MBD3L1: variants seen among roughly 807,000 people sequenced by gnomAD.
MBD3L1 encodes methyl-CpG-binding domain protein 3-like 1.
For missense variants in MBD3L1, 203 were observed against 230.1 expected, an observed-to-expected ratio of 0.88 and a Z score of 0.76; for synonymous variants, 84 against 85.1, an observed-to-expected ratio of 0.99 and a Z score of 0.07.
At chr19:8,836,397 C>T (rs1190500164) in intron 1 of MBD3L1, among the ~76,000 whole-genome samples, 1 of 151,714 alleles carries the variant, frequency 6.6e-6, no homozygotes, top group Non-Finnish European at 1.5e-5. Flanking sequence ...CTTCCTCCTC[C>T]TCCTTGTCCT....
intron 1 of MBD3L1, among the ~76,000 whole-genome samples, chr19:8,840,242 A>C (rs2044498871): frequency 6.6e-6 from 1 of 152,124 alleles, no homozygotes; most frequent in South Asian, 2.1e-4. Context: ...TATTGGAAGC[A>C]TAAAATTAAC....
intron 1 of MBD3L1, among the ~76,000 whole-genome samples, chr19:8,836,411 CCTT>C (rs1474985934): frequency 2.0e-5 from 3 of 151,188 alleles, no homozygotes; most frequent in East Asian, 3.9e-4. Context: ...TTGTCCTCCT[CCTT>C]CTTCTTTCTT....
intron 1 of MBD3L1, among the ~76,000 whole-genome samples, chr19:8,835,042 C>A (rs1384058044): frequency 6.6e-6 from 1 of 151,150 alleles, no homozygotes; most frequent in East Asian, 1.9e-4. Context: ...TAAAAGTGAA[C>A]AAAGAGTTTT....
At chr19:8,839,185 C>CTT (rs57499698) in intron 1 of MBD3L1, among the ~76,000 whole-genome samples, 3,407 of 122,070 alleles carry the variant, frequency 0.028, 258 homozygotes, top group African/African-American at 0.087. Flanking sequence ...CTTTTCTTTT[C>CTT]TTTTTTTTTT....
In MBD3L1 at chr19:8,832,448, C is replaced by T. The variant is rs892345959; in HGVS notation, c.-181C>T. On this transcript the variant is annotated 5_prime_UTR_variant, in exon 1 of 3. Transcript: ENST00000595891. ...GCGGGCGGGAGCGGCGGCCGCGAAC[C>T]CCAGCCTTGGGCAGAGGTGTTCTAG... 1 of 152,844 alleles carries T rather than the reference C, an allele frequency of 6.5e-6. No individual in the cohort carries two copies. Among genetic ancestry groups the T allele is most frequent in the African/African-American group, 2.4e-5 (1 of 41,466 alleles). 9.5% of individuals were successfully genotyped at this position (152,844 alleles called of 1,614,324 possible).
rs1395624644 is a variant in MBD3L1, at chr19:8,832,505, C to G, written c.-124C>G. ...TAGTGGGCACAAAGTTGGGCCCTGG[C>G]CTGGGGCAGTAGCGGGGGTAAGGTT... On this transcript the variant is annotated 5_prime_UTR_variant, in exon 1 of 3. Transcript: ENST00000595891. 1 of 152,774 alleles carries G rather than the reference C, an allele frequency of 6.5e-6. No individual in the cohort carries two copies. Among genetic ancestry groups the G allele is most frequent in the Non-Finnish European group, 1.5e-5 (1 of 68,422 alleles). The allele number at this position is 152,774 out of a possible 1,614,324, so 9.5% of individuals were successfully genotyped here.
chr19:8,842,973 A>G lies in MBD3L1; in HGVS notation c.295A>G (p.Ser99Gly), dbSNP rs752535955. The G allele has an allele frequency of 1.2e-6, 2 of 1,614,224 alleles. No individual in the cohort carries two copies. The highest frequency in any genetic ancestry group is 1.7e-5 in the Admixed American group (1 of 60,024). Residue 99 changes from serine to glycine, a missense_variant, in exon 3 of 3, where the codon AGT (serine) becomes GGT (glycine). Coordinates refer to ENST00000595891, the MANE Select transcript of MBD3L1 (RefSeq NM_001393532.1). ...LANTLQKLVP[S>G]YTGGSLLEDL... The stretch of plus-strand genomic sequence containing the variant: ...CAATACCTTGCAAAAACTTGTCCCT[A>G]GTTACACAGGTGGATCTCTGCTGGA...
At chr19:8,842,354 A>G (rs2044522266) in intron 2 of MBD3L1, among the ~76,000 whole-genome samples, 2 of 151,304 alleles carry the variant, frequency 1.3e-5, no homozygotes, top group Non-Finnish European at 2.9e-5. Context: ...TGAGATTTAG[A>G]AAAAGACTGT....
At chr19:8,837,802 T>A (rs1172938858) in intron 1 of MBD3L1, among the ~76,000 whole-genome samples, 1 of 152,102 alleles carries the variant, frequency 6.6e-6, no homozygotes, top group Non-Finnish European at 1.5e-5. Context: ...ACGCATAAAA[T>A]AATTGCTACT....
intron 1 of MBD3L1, among the ~76,000 whole-genome samples, chr19:8,840,008 C>T (rs2044495222): frequency 6.6e-6 from 1 of 151,784 alleles, no homozygotes. Context: ...ATGGCGAAAC[C>T]CCATCGCTAC....
At chr19:8,833,788 A>G (rs2044418434) in intron 1 of MBD3L1, among the ~76,000 whole-genome samples, 1 of 152,198 alleles carries the variant, frequency 6.6e-6, no homozygotes, top group Non-Finnish European at 1.5e-5. Context: ...CAGGAGTTCG[A>G]GACCAGCCTG....
rs1423541317 is a variant in MBD3L1, at chr19:8,832,380, G to A, written c.-249G>A. ...TCCGGCTCGCGCGGGCAGCCTCGCA[G>A]AGTCGAGCGTGTTGGGGGTTCGGCG... On this transcript the variant is annotated 5_prime_UTR_variant, in exon 1 of 3. Transcript: ENST00000595891. 4.6e-5 allele frequency: 7 copies of A among 152,644 alleles called. No homozygotes were observed. Among genetic ancestry groups the A allele is most frequent in the Non-Finnish European group, 1.5e-5 (1 of 68,354 alleles). The allele number at this position is 152,644 out of a possible 1,614,324, so 9.5% of individuals were successfully genotyped here.
rs180842947 is a variant in MBD3L1 at position 8,835,887 on chromosome 19, C to T, written c.-107+3365C>T. On this transcript the variant is annotated intron_variant, in intron 1 of 2. Transcript: ENST00000595891. ...CCATGGATGAACCTTGAAAACATTA[C>T]GGTAAGTAAAAGAAGCCACTCATAA... 2.2e-3 allele frequency among the ~76,000 whole-genome samples: 338 copies of T among 152,050 alleles called. 1 individual carries two copies. The highest frequency in any genetic ancestry group is 8.1e-3 in the South Asian group (39 of 4,816).
intron 2 of MBD3L1, among the ~76,000 whole-genome samples, chr19:8,841,582 A>G (rs1163216936): frequency 6.6e-6 from 1 of 151,958 alleles, no homozygotes; most frequent in Non-Finnish European, 1.5e-5. Flanking sequence ...GTTTTGAGAC[A>G]GTCTCGCTCT....
At chr19:8,834,500 C>T (rs1004142094) in intron 1 of MBD3L1, among the ~76,000 whole-genome samples, 6 of 151,468 alleles carry the variant, frequency 4.0e-5, no homozygotes, top group Admixed American at 1.3e-4. Context: ...CCCAGCTACT[C>T]GGGAGACTGA....
chr19:8,842,786 G>A lies in MBD3L1; in HGVS notation c.108G>A (p.Lys36=). The change falls in exon 3 of 3, where the codon AAG becomes AAA. Residue 36 remains lysine, a synonymous_variant. Coordinates refer to ENST00000595891, the MANE Select transcript of MBD3L1 (RefSeq NM_001393532.1). ...TGAGAATGTCCAGTTACACATTCAAGAGGCCAGTAACGAGAATTACACCCC... is the reference window on the plus strand; with the variant it reads ...TGAGAATGTCCAGTTACACATTCAAAAGGCCAGTAACGAGAATTACACCCC... ...IPLRMSSYTF[K]RPVTRITPHP... The A allele has an allele frequency of 1.9e-6, 3 of 1,614,218 alleles. No homozygotes were observed. The highest frequency in any genetic ancestry group is 1.7e-6 in the Non-Finnish European group (2 of 1,180,038).
intron 2 of MBD3L1, 45 bp from the exon 3 acceptor site, chr19:8,842,613 G>T (rs151299870): frequency 9.1e-5 from 125 of 1,372,096 alleles, no homozygotes; most frequent in Non-Finnish European, 1.2e-4. Flanking sequence ...GAGAAGGCAG[G>T]CTTCATTGAT....
chr19:8,843,021 C>T lies in MBD3L1; in HGVS notation c.343C>T (p.His115Tyr), dbSNP rs2145360148. 6.2e-7 allele frequency: 1 copy of T among 1,614,178 alleles called. No individual in the cohort carries two copies. Among genetic ancestry groups the T allele is most frequent in the Non-Finnish European group, 8.5e-7 (1 of 1,180,000 alleles). Residue 115 changes from histidine to tyrosine, a missense_variant, in exon 3 of 3, where the codon CAC becomes TAC. By Grantham distance (83) the His-to-Tyr change is moderately conservative. Coordinates refer to ENST00000595891, the MANE Select transcript of MBD3L1 (RefSeq NM_001393532.1). ...LLEDLASGLEHSCPMPHLACS... is the reference protein window; with the variant it reads ...LLEDLASGLEYSCPMPHLACS... Reference sequence around the variant, plus strand: ...GGAGGATCTTGCCAGTGGTCTGGAGCACTCCTGCCCCATGCCCCACCTTGC... The same window carrying T: ...GGAGGATCTTGCCAGTGGTCTGGAGTACTCCTGCCCCATGCCCCACCTTGC...
At chr19:8,836,758 CTGG>C (rs1568483369) in intron 1 of MBD3L1, among the ~76,000 whole-genome samples, 1 of 152,194 alleles carries the variant, frequency 6.6e-6, no homozygotes. Flanking sequence ...GCCCAAAGTG[CTGG>C]GATTTTAGGC....
Sources: gnomAD v4.1 joint callset for allele counts (sites outside exome capture counted in the v4.1 genomes callset) on GRCh38, gnomAD v4.1.1 for gene constraint, MANE v1.5 for transcripts, NCBI Gene and HGNC (gene_info 2026-07-23, HGNC 2026-07-21) for gene names.